Variants in AGTPBP1 observed in about 807,000 individuals in gnomAD.
AGTPBP1 encodes cytosolic carboxypeptidase 1.
Under a neutral mutation model 143.9 loss-of-function variants are expected in AGTPBP1, and 70 were observed. The ratio of observed to expected loss-of-function variants is 0.49; its 90% CI spans 0.40 to 0.59. The LOEUF is 0.59. Among genes scored for constraint, AGTPBP1 ranks in the 20% least tolerant of loss-of-function variants. AGTPBP1 has a pLI of 0.00. For missense variants in AGTPBP1, 1,229 were observed against 1,464.5 expected (o/e 0.84, Z 2.62); for synonymous variants, 463 against 500.2 (o/e 0.93, Z 0.99).
At chr9:85,761,356 C>T in the AGTPBP1 span, among the ~76,000 whole-genome samples, 2 of 152,170 alleles carry the variant, frequency 1.3e-5, no homozygotes, top group Non-Finnish European at 2.9e-5. Context: ...AGGCATCACG[C>T]TACCTGACTT....
At chr9:85,552,971 A>C (rs1180367603) in intron 25 of AGTPBP1, among the ~76,000 whole-genome samples, 1 of 152,232 alleles carries the variant, frequency 6.6e-6, no homozygotes, top group East Asian at 1.9e-4. Flanking sequence ...GAAATGTCAG[A>C]TTTAGGGTGA....
chr9:85,723,128 G>T (rs940248639), intron 1 of AGTPBP1, among the ~76,000 whole-genome samples: 2 of 152,198 alleles, frequency 1.3e-5, no homozygotes, highest in African/African-American at 4.8e-5. Context: ...GCTACATGGG[G>T]GTCAGGGACC....
chr9:85,673,769 T>A (rs1402422823), intron 6 of AGTPBP1, among the ~76,000 whole-genome samples: 1 of 152,008 alleles, frequency 6.6e-6, no homozygotes, highest in African/African-American at 2.4e-5. Flanking sequence ...CAATACTACA[T>A]GTAAGAAATC....
At chr9:85,663,678 A>C (rs80294659) in intron 8 of AGTPBP1, among the ~76,000 whole-genome samples, 3,193 of 152,170 alleles carry the variant, frequency 0.021, 124 homozygotes, top group African/African-American at 0.072. Context: ...AAACATTAAA[A>C]CACTTATCAC....
chr9:85,722,151 G>C (rs1838169808), intron 1 of AGTPBP1, among the ~76,000 whole-genome samples: 1 of 152,028 alleles, frequency 6.6e-6, no homozygotes, highest in Non-Finnish European at 1.5e-5. Flanking sequence ...ATGTGTCTTG[G>C]GGTTGCTCTT....
chr9:85,703,383 A>C (rs975027803), intron 2 of AGTPBP1, among the ~76,000 whole-genome samples: 1 of 152,240 alleles, frequency 6.6e-6, no homozygotes, highest in African/African-American at 2.4e-5. Flanking sequence ...AGAAGTAAGG[A>C]GACTATTACA....
the AGTPBP1 span, among the ~76,000 whole-genome samples, chr9:85,765,307 G>A: frequency 6.6e-6 from 1 of 152,096 alleles, no homozygotes; most frequent in Non-Finnish European, 1.5e-5. Flanking sequence ...AGGATACTAG[G>A]TAATTTATTA....
chr9:85,730,256 G>T (rs530694588), intron 1 of AGTPBP1, among the ~76,000 whole-genome samples: 1 of 152,162 alleles, frequency 6.6e-6, no homozygotes, highest in Non-Finnish European at 1.5e-5. Flanking sequence ...TAATGCCTGT[G>T]CCAGATATTG....
intron 25 of AGTPBP1, among the ~76,000 whole-genome samples, chr9:85,563,344 C>T (rs1826866698): frequency 6.6e-6 from 1 of 152,118 alleles, no homozygotes; most frequent in Non-Finnish European, 1.5e-5. Context: ...AGAAAGAAAA[C>T]AGGAAAGCTA....
chr9:85,687,147 A>G (rs1017172533), intron 3 of AGTPBP1, among the ~76,000 whole-genome samples: 5 of 152,186 alleles, frequency 3.3e-5, no homozygotes, highest in Admixed American at 2.0e-4. Flanking sequence ...ACAAAAAGCA[A>G]TATTTCACAA....
the AGTPBP1 span, among the ~76,000 whole-genome samples, chr9:85,791,106 A>T: frequency 1.3e-5 from 2 of 152,278 alleles, no homozygotes; most frequent in South Asian, 2.1e-4. Flanking sequence ...TCAGCCAGGC[A>T]CGGTGGCTCA....
intron 6 of AGTPBP1, among the ~76,000 whole-genome samples, chr9:85,674,163 C>A (rs1334184816): frequency 6.8e-6 from 1 of 146,958 alleles, no homozygotes; most frequent in Non-Finnish European, 1.5e-5. Flanking sequence ...GTAAATAGGA[C>A]CAGCAAACAA....
At chr9:85,618,083 T>A (rs1190532553) in intron 17 of AGTPBP1, among the ~76,000 whole-genome samples, 1 of 151,836 alleles carries the variant, frequency 6.6e-6, no homozygotes, top group South Asian at 2.1e-4. Context: ...CTACTAAAAG[T>A]ACAAAAATTA....
the AGTPBP1 span, chr9:85,764,779 T>A: frequency 5.4e-6 from 7 of 1,299,402 alleles, no homozygotes; most frequent in Non-Finnish European, 6.7e-6. Flanking sequence ...CTGAAAAGAA[T>A]GTGCAGCTCC....
intron 11 of AGTPBP1, among the ~76,000 whole-genome samples, chr9:85,646,681 C>T (rs1046196426): frequency 2.0e-5 from 3 of 152,104 alleles, no homozygotes; most frequent in Non-Finnish European, 4.4e-5. Context: ...TCTTATGTTG[C>T]GATAGCCTGA....
Position 85,655,242 on chromosome 9 carries a change from G to A in AGTPBP1, c.988C>T (p.Arg330Ter), listed in dbSNP as rs1410189740. The change falls in exon 11 of 26, where the codon CGA becomes TGA. Residue 330 changes from arginine (R) to a stop codon, truncating the protein, a stop_gained. Transcript: ENST00000357081. LOFTEE classifies it high-confidence loss of function. ...LIMRKCFPKN[R>*]LPLPTIKSSF... ...CTTTTAATTGTTGGGAGTGGCAGTCGATTTTTTGGGAAACACTTCCTCATT... is the reference window on the plus strand; with the variant it reads ...CTTTTAATTGTTGGGAGTGGCAGTCAATTTTTTGGGAAACACTTCCTCATT... 6.3e-7 allele frequency: 1 copy of A among 1,595,880 alleles called. No individual in the cohort carries two copies. Among genetic ancestry groups the A allele is most frequent in the Non-Finnish European group, 8.5e-7 (1 of 1,170,650 alleles).
the AGTPBP1 span, chr9:85,770,501 G>A: frequency 6.9e-7 from 1 of 1,439,270 alleles, no homozygotes. Context: ...GTTTGTTTTT[G>A]AGGGTCAGAA....
chr9:85,656,019 A>G lies in AGTPBP1; in HGVS notation c.910-699T>C, dbSNP rs190593885. Reference sequence around the variant, plus strand: ...ATTTTTTGTATTTTTAGTAGAGACGAGGTTTCACCATGTTAGCCAGGATGG... The same window carrying G: ...ATTTTTTGTATTTTTAGTAGAGACGGGGTTTCACCATGTTAGCCAGGATGG... On this transcript the variant is annotated intron_variant, in intron 10 of 25. Coordinates refer to ENST00000357081, the MANE Select transcript of AGTPBP1 (RefSeq NM_001330701.2). Among the ~76,000 whole-genome samples the G allele has an allele frequency of 2.3e-3, 345 of 152,136 alleles. 3 individuals carry two copies. Among genetic ancestry groups the G allele is most frequent in the African/African-American group, 7.8e-3 (325 of 41,506 alleles).
chr9:85,796,166 A>G, the AGTPBP1 span, among the ~76,000 whole-genome samples: 998 of 152,222 alleles, frequency 6.6e-3, 15 homozygotes, highest in African/African-American at 0.023. Context: ...TTATACATAC[A>G]TACATACATA....
Sources: gnomAD v4.1 joint callset for allele counts (sites outside exome capture counted in the v4.1 genomes callset) on GRCh38, gnomAD v4.1.1 for gene constraint, MANE v1.5 for transcripts, NCBI Gene and HGNC (gene_info 2026-07-23, HGNC 2026-07-21) for gene names.